The following CARD10 variants were observed in gnomAD, a reference collection of about 807,000 sequenced individuals.
CARD10 encodes the protein caspase recruitment domain-containing protein 10.
A neutral mutation model predicts 114.6 loss-of-function variants in CARD10; 49 were observed. The ratio of observed to expected loss-of-function variants is 0.43; its 90% CI spans 0.34 to 0.54. CARD10 has a LOEUF of 0.54. CARD10 is among the 20% of genes least tolerant of loss of function. The pLI is 0.03. For synonymous variants in CARD10, 602 were observed against 593.2 expected (o/e 1.01, Z -0.21); for missense variants, 1,206 against 1,397.2 (o/e 0.86, Z 2.18).
At position 37,492,995 on chromosome 22, in the gene CARD10, C is replaced by T. The variant is rs1922862239; in HGVS notation, c.2477-193G>A. On this transcript the variant is annotated intron_variant, in intron 16 of 19. Transcript: ENST00000251973. This position sits in a 1 kb window ranked among gnomAD's most constrained non-coding sequence, Gnocchi z 5.7. The stretch of plus-strand genomic sequence containing the variant: ...GCTCCTCCCTGATTCTCTGCCTCAT[C>T]CCTGCCCCCTACGGGTCATTCTCCA... Among the ~76,000 whole-genome samples the T allele has an allele frequency of 6.6e-6, 1 of 152,150 alleles. No homozygotes were observed.
At chr22:37,510,710 C>T (rs997299921) in intron 3 of CARD10, 21 of 433,784 alleles carry the variant, frequency 4.8e-5, no homozygotes, top group African/African-American at 1.8e-4. Context: ...CTGTCTGTCC[C>T]GCACTTCTGA....
chr22:37,502,876 G>T, intron 10 of CARD10, 151 bp from the exon 11 acceptor site: 2 of 938,938 alleles, frequency 2.1e-6, no homozygotes, highest in Admixed American at 5.8e-5. Context: ...TCAGAGATAG[G>T]TCAGGGCCCA....
intron 14 of CARD10, 55 bp from the exon 15 acceptor site, chr22:37,495,641 C>T (rs1034729916): frequency 5.0e-6 from 8 of 1,610,492 alleles, no homozygotes; most frequent in Non-Finnish European, 6.8e-6. Context: ...CCTCATTTCT[C>T]CTCGAACCCC....
chr22:37,494,119 A>G lies in CARD10; in HGVS notation c.2443T>C (p.Ser815Pro), dbSNP rs1396405524. The G allele has an allele frequency of 1.3e-6, 2 of 1,559,444 alleles. No homozygotes were observed. Among genetic ancestry groups the G allele is most frequent in the East Asian group, 4.8e-5 (2 of 41,642 alleles). ...GGCTCCAGCAGCAGCTGATCCGGGGAGTCCCCTGCAGGCGCCCCCACGGGC... is the reference window on the plus strand; with the variant it reads ...GGCTCCAGCAGCAGCTGATCCGGGGGGTCCCCTGCAGGCGCCCCCACGGGC... ...PKPVGAPAGD[S>P]PDQLLLEPCA... The change falls in exon 16 of 20, where the codon TCC becomes CCC. Residue 815 changes from serine to proline, a missense_variant. By Grantham distance (74) the Ser-to-Pro change is moderately conservative. Coordinates refer to ENST00000251973, the MANE Select transcript of CARD10 (RefSeq NM_014550.4).
In CARD10 at chr22:37,495,948, C is replaced by T. The variant is rs748910957; in HGVS notation, c.2115G>A (p.Glu705=). The T allele has an allele frequency of 1.9e-6, 3 of 1,614,170 alleles. No homozygotes were observed. Among genetic ancestry groups the T allele is most frequent in the South Asian group, 2.2e-5 (2 of 91,088 alleles). The change falls in exon 14 of 20, where the codon GAG becomes GAA. Residue 705 remains glutamate, a synonymous_variant. Coordinates refer to ENST00000251973, the MANE Select transcript of CARD10 (RefSeq NM_014550.4). Reference sequence around the variant, plus strand: ...TGAGGTTGGCACGAATGTAGAAGGGCTCGGCACCTGGTCCCTTTGCCCAGG... The same window carrying T: ...TGAGGTTGGCACGAATGTAGAAGGGTTCGGCACCTGGTCCCTTTGCCCAGG... ...LEAWAKGPGA[E]PFYIRANLTL...
chr22:37,508,571 C>A lies in CARD10; in HGVS notation c.1021G>T (p.Ala341Ser). The change falls in exon 5 of 20, where the codon GCC becomes TCC. Residue 341 changes from alanine (A) to serine (S), a missense_variant. Physicochemically the swap from Ala to Ser is moderately conservative, Grantham distance 99 (BLOSUM62 1). Transcript: ENST00000251973. ...GCCCACTGCAGCTCCCCCTGCACGG[C>A]ATGCAGCTTCTGGCACAGCTCCTGC... The part of the protein sequence containing the change: ...SRQELCQKLH[A>S]VQGELQWAEE... The A allele has an allele frequency of 6.3e-7, 1 of 1,597,738 alleles. No individual in the cohort carries two copies.
chr22:37,512,852 T>C (rs1341523334), intron 3 of CARD10, among the ~76,000 whole-genome samples: 1 of 152,076 alleles, frequency 6.6e-6, no homozygotes, highest in Non-Finnish European at 1.5e-5. Context: ...AGCACAAAAT[T>C]ATAGCGTTCG....
chr22:37,493,130 G>A (rs1360678359), intron 16 of CARD10, among the ~76,000 whole-genome samples: 3 of 152,126 alleles, frequency 2.0e-5, no homozygotes, highest in East Asian at 3.9e-4. Flanking sequence ...CATCCCCCAC[G>A]TGGGTGACAC....
chr22:37,494,654 C>A (rs1601808193), intron 15 of CARD10: 2 of 180,560 alleles, frequency 1.1e-5, no homozygotes, highest in African/African-American at 4.8e-5. Context: ...ATGACAGACA[C>A]TCACTAAGCC....
rs1465100003 is a variant in CARD10 at position 37,504,213 on chromosome 22, C to T, written c.1607G>A (p.Arg536His). The T allele has an allele frequency of 3.8e-6, 6 of 1,570,110 alleles. No individual in the cohort carries two copies. The Admixed American group carries it at 7.4e-5, about 19-fold the overall frequency. ...PSAGSILRRQ[R>H]EEDPAPPKRS... ...CTTAGGGGGTGCGGGGTCTTCCTCA[C>T]GCTGCCGGCGGAGGATGGAGCCGGC... Residue 536 changes from arginine (R) to histidine (H), a missense_variant, in exon 9 of 20, where the codon CGT becomes CAT. Physicochemically the swap from Arg to His is conservative, Grantham distance 29. Coordinates refer to ENST00000251973, the MANE Select transcript of CARD10 (RefSeq NM_014550.4).
intron 1 of CARD10, among the ~76,000 whole-genome samples, chr22:37,518,546 C>A (rs1923918240): frequency 6.6e-6 from 1 of 152,208 alleles, no homozygotes; most frequent in Non-Finnish European, 1.5e-5. Flanking sequence ...TGAGACGGAT[C>A]TTGACACTTG....
chr22:37,498,262 C>T (rs1470336934), intron 11 of CARD10, among the ~76,000 whole-genome samples: 3 of 152,136 alleles, frequency 2.0e-5, no homozygotes, highest in East Asian at 3.9e-4. Context: ...GGAACAGAGG[C>T]GTCTGGTTTT....
intron 16 of CARD10, among the ~76,000 whole-genome samples, chr22:37,493,423 T>C (rs966774356): frequency 6.6e-6 from 1 of 152,208 alleles, no homozygotes; most frequent in Non-Finnish European, 1.5e-5. Context: ...GGTGGGATTA[T>C]CTGACTCTCT....
chr22:37,513,350 T>G (rs1056808753), intron 3 of CARD10, among the ~76,000 whole-genome samples: 1 of 152,072 alleles, frequency 6.6e-6, no homozygotes, highest in African/African-American at 2.4e-5. Flanking sequence ...GACCTCATGA[T>G]CCACCCGCCT....
chr22:37,505,814 G>A (rs1923385045), intron 7 of CARD10, among the ~76,000 whole-genome samples: 1 of 152,114 alleles, frequency 6.6e-6, no homozygotes, highest in African/African-American at 2.4e-5. Context: ...TGGTCTCTGA[G>A]GGATGCTTAG....
At position 37,502,000 on chromosome 22, in the gene CARD10, G is replaced by A. The variant is rs569359914; in HGVS notation, c.1787+602C>T. 1.3e-5 allele frequency among the ~76,000 whole-genome samples: 2 copies of A among 152,230 alleles called. No individual in the cohort carries two copies. The highest frequency in any genetic ancestry group is 2.4e-5 in the African/African-American group (1 of 41,538). Reference sequence around the variant, plus strand: ...AGACCACAATGGCCGTGCAGCCCCCGCTCTGCCCCACCCCTCCCTTAGATA... The same window carrying A: ...AGACCACAATGGCCGTGCAGCCCCCACTCTGCCCCACCCCTCCCTTAGATA... On this transcript the variant is annotated intron_variant, in intron 11 of 19. Transcript: ENST00000251973. The surrounding 1 kb of genome is among the most constrained non-coding windows in gnomAD (Gnocchi z 5.4).
chr22:37,491,798 C>T lies in CARD10; in HGVS notation c.2821G>A (p.Val941Ile), dbSNP rs1376806433. The T allele has an allele frequency of 1.1e-5, 16 of 1,505,938 alleles. No individual in the cohort carries two copies. The highest frequency in any genetic ancestry group is 4.3e-5 in the African/African-American group (3 of 70,216). The allele number at this position is 1,505,938 out of a possible 1,614,324, so 93.3% of individuals were successfully genotyped here. The change falls in exon 19 of 20, where the codon GTC becomes ATC. Residue 941 changes from valine to isoleucine, a missense_variant. By Grantham distance (29) the Val-to-Ile change is conservative. Transcript: ENST00000251973. ...TTCTCAGTCACCTCCACGTGGATGA[C>T]GATGGGGTAGATCTCGTTCTGCACC... ...ELVQNEIYPI[V>I]IHVEVTEKNV...
Position 37,519,061 on chromosome 22 carries a change from AGCTTG to A in CARD10, c.135_139del (p.Lys46HisfsTer47). The A allele has an allele frequency of 6.3e-7, 1 of 1,593,988 alleles. No individual in the cohort carries two copies. Among genetic ancestry groups the A allele is most frequent in the East Asian group, 2.3e-5 (1 of 44,420 alleles). On this transcript the variant is annotated frameshift_variant, in exon 1 of 20. Coordinates refer to ENST00000251973, the MANE Select transcript of CARD10 (RefSeq NM_014550.4). LOFTEE classifies it high-confidence loss of function. This position sits in a 1 kb window ranked among gnomAD's most constrained non-coding sequence, Gnocchi z 4.1. ...CCGGCACTGGCGCAGATACGGCGTGAGCTTGGCCGGGTTCAGGGCGCGAGCCAGCC... is the reference window on the plus strand; with the variant it reads ...CCGGCACTGGCGCAGATACGGCGTGAGCCGGGTTCAGGGCGCGAGCCAGCC...
intron 4 of CARD10, 88 bp from the exon 5 acceptor site, chr22:37,508,770 C>A: frequency 7.1e-7 from 1 of 1,403,632 alleles, no homozygotes; most frequent in Non-Finnish European, 9.5e-7. Flanking sequence ...GCTCTCAGCC[C>A]TCCAAACCCA....
Sources: allele counts gnomAD v4.1 joint callset (sites outside exome capture counted in the v4.1 genomes callset), GRCh38; gene constraint gnomAD v4.1.1; non-coding constraint Gnocchi (gnomAD v3.1); transcripts MANE v1.5; gene names NCBI Gene and HGNC (gene_info 2026-07-23, HGNC 2026-07-21).